FGF1: variants seen among roughly 807,000 people sequenced by gnomAD.
FGF1 encodes the protein fibroblast growth factor 1, also known as beta-endothelial cell growth factor.
In FGF1, 9 loss-of-function variants were observed where a neutral mutation model predicts 13.4. The observed-to-expected ratio is 0.67, with a 90% CI of 0.40 to 1.17. The LOEUF is 1.17. Ranked by LOEUF, FGF1 falls within the 50% of genes most tolerant of loss-of-function variation. The pLI, the probability that FGF1 is intolerant of heterozygous loss-of-function variation, is 0.01. For missense variants in FGF1, 156 were observed against 192.7 expected (o/e 0.81, Z 1.13); for synonymous variants, 93 against 79.0 (o/e 1.18, Z -0.94).
chr5:142,693,089 G>A (rs1462098015), intron 2 of FGF1, among the ~76,000 whole-genome samples: 1 of 152,094 alleles, frequency 6.6e-6, no homozygotes. Context: ...TCCTGGTTTA[G>A]ACTCTAAGGA....
At chr5:142,616,401 A>G (rs1407467613) in intron 1 of FGF1, among the ~76,000 whole-genome samples, 5 of 152,168 alleles carry the variant, frequency 3.3e-5, no homozygotes, top group African/African-American at 4.8e-5. Flanking sequence ...ATCATCCCAA[A>G]TGTCCCCTCC....
chr5:142,673,722 T>C (rs1771925810), intron 1 of FGF1, among the ~76,000 whole-genome samples: 1 of 152,196 alleles, frequency 6.6e-6, no homozygotes. Flanking sequence ...CTGCCTTTCC[T>C]TCACCCCACT....
At chr5:142,682,140 C>T (rs1352103010) in intron 1 of FGF1, among the ~76,000 whole-genome samples, 4 of 151,246 alleles carry the variant, frequency 2.6e-5, no homozygotes, top group Admixed American at 2.0e-4. Flanking sequence ...GGCTGGAGCG[C>T]AATGGCGCGA....
intron 1 of FGF1, among the ~76,000 whole-genome samples, chr5:142,633,502 G>A (rs569507741): frequency 8.7e-4 from 132 of 152,276 alleles, no homozygotes; most frequent in African/African-American, 3.1e-3. Flanking sequence ...GTAAAAAAGA[G>A]GCTTGCTTCC....
chr5:142,647,852 G>A (rs1766445996), intron 1 of FGF1, among the ~76,000 whole-genome samples: 1 of 152,152 alleles, frequency 6.6e-6, no homozygotes, highest in Admixed American at 6.5e-5. Flanking sequence ...GGGAGACTGA[G>A]GTGGGCAGAT....
At chr5:142,634,561 C>T (rs1017747399) in intron 1 of FGF1, among the ~76,000 whole-genome samples, 2 of 152,238 alleles carry the variant, frequency 1.3e-5, no homozygotes, top group Admixed American at 6.5e-5. Context: ...AGTTGCTAGC[C>T]GCTCTGAGTC....
intron 1 of FGF1, among the ~76,000 whole-genome samples, chr5:142,677,214 G>A (rs778449919): frequency 6.6e-6 from 1 of 152,152 alleles, no homozygotes; most frequent in African/African-American, 2.4e-5. Context: ...GTCCTTAAAG[G>A]TATTGGTTCA....
At position 142,641,692 on chromosome 5, in the gene FGF1, A is replaced by G. The variant is rs1005050096; in HGVS notation, c.-34-27531T>C. ...TTATTATAGCAGCACCACCGTATAA[A>G]CAGTGTTATTTCCATTTTTACAGAT... On this transcript the variant is annotated intron_variant, in intron 1 of 3. Transcript: ENST00000337706. Among the ~76,000 whole-genome samples, 3 of 152,082 alleles carry G rather than the reference A, an allele frequency of 2.0e-5. No individual in the cohort carries two copies. In the East Asian group the frequency reaches 5.8e-4, roughly 29 times the overall value.
intron 1 of FGF1, among the ~76,000 whole-genome samples, chr5:142,625,293 AAG>A (rs1203052061): frequency 3.5e-5 from 5 of 143,738 alleles, no homozygotes; most frequent in Non-Finnish European, 7.5e-5. Context: ...CTTCATAACG[AAG>A]AGAGAGAACT....
chr5:142,615,043 T>C (rs1759927500), intron 1 of FGF1, among the ~76,000 whole-genome samples: 1 of 152,114 alleles, frequency 6.6e-6, no homozygotes. Flanking sequence ...CAAACTTATA[T>C]TATTAATGTG....
chr5:142,693,927 G>A (rs1752650395), intron 2 of FGF1, among the ~76,000 whole-genome samples: 1 of 152,038 alleles, frequency 6.6e-6, no homozygotes, highest in South Asian at 2.1e-4. Context: ...ATCAGCTGAT[G>A]AACATTTGGG....
At chr5:142,661,094 C>T (rs1378346445) in intron 1 of FGF1, among the ~76,000 whole-genome samples, 1 of 152,218 alleles carries the variant, frequency 6.6e-6, no homozygotes, top group Non-Finnish European at 1.5e-5. Flanking sequence ...TAATAGAAGC[C>T]TTGTCCTTCA....
At chr5:142,624,784 AAGACCTG>A (rs1193526845) in intron 1 of FGF1, among the ~76,000 whole-genome samples, 2 of 152,234 alleles carry the variant, frequency 1.3e-5, no homozygotes, top group East Asian at 3.8e-4. Context: ...AAGAAAAAGA[AAGACCTG>A]AGATCCCTAA....
At chr5:142,662,283 G>A (rs1449463046) in intron 1 of FGF1, among the ~76,000 whole-genome samples, 5 of 152,158 alleles carry the variant, frequency 3.3e-5, no homozygotes, top group East Asian at 1.9e-4. Context: ...ATCTCAAGCC[G>A]TTAAAAATGT....
intron 1 of FGF1, among the ~76,000 whole-genome samples, chr5:142,643,856 TC>T (rs1428861813): frequency 6.6e-6 from 1 of 152,256 alleles, no homozygotes; most frequent in African/African-American, 2.4e-5. Flanking sequence ...CTCAGTCTGT[TC>T]ATCTAAACTG....
upstream of FGF1, among the ~76,000 whole-genome samples, chr5:142,689,192 C>A (rs1245379843): frequency 2.0e-5 from 3 of 152,154 alleles, no homozygotes; most frequent in African/African-American, 7.2e-5. Context: ...AAACACACAC[C>A]AGACACATTG....
intron 1 of FGF1, among the ~76,000 whole-genome samples, chr5:142,667,648 G>T (rs58714878): frequency 1.3e-5 from 2 of 151,242 alleles, no homozygotes; most frequent in Non-Finnish European, 1.5e-5. Context: ...TTAGTCCCTC[G>T]CAGGCTGATG....
At chr5:142,618,746 C>T (rs1246371712) in intron 1 of FGF1, among the ~76,000 whole-genome samples, 1 of 151,940 alleles carries the variant, frequency 6.6e-6, no homozygotes, top group Non-Finnish European at 1.5e-5. Context: ...ACTCAGTTCT[C>T]AGCTTATCAA....
intron 3 of FGF1, among the ~76,000 whole-genome samples, chr5:142,596,333 C>T (rs377041760): frequency 2.8e-4 from 30 of 107,614 alleles, no homozygotes; most frequent in African/African-American, 1.1e-3. Flanking sequence ...AGCTAGGTGC[C>T]ATGGTGTGTG....
Sources: gnomAD v4.1 joint callset for allele counts (sites outside exome capture counted in the v4.1 genomes callset) on GRCh38, gnomAD v4.1.1 for gene constraint, MANE v1.5 for transcripts, NCBI Gene and HGNC (gene_info 2026-07-23, HGNC 2026-07-21) for gene names.